The following RBSN variants were observed in gnomAD, a reference collection of about 807,000 sequenced individuals.
The protein encoded by RBSN is rabenosyn, RAB effector.
A neutral mutation model predicts 60.5 loss-of-function variants in RBSN; 34 were observed. The observed-to-expected ratio is 0.56, with a 90% CI of 0.43 to 0.75. The LOEUF (loss-of-function observed/expected upper bound fraction) is 0.75. Among genes scored for constraint, RBSN ranks in the 30% least tolerant of loss-of-function variants. The pLI is 0.00. For missense variants in RBSN, 845 were observed against 986.8 expected, an observed-to-expected ratio of 0.86 and a Z score of 1.92; for synonymous variants, 322 against 366.9, an observed-to-expected ratio of 0.88 and a Z score of 1.40.
chr3:15,095,547 G>A (rs2043633496), intron 4 of RBSN: 1 of 252,808 alleles, frequency 4.0e-6, no homozygotes, highest in African/African-American at 2.2e-5. Context: ...AGGAAGGATG[G>A]TGGGAAGTCT....
chr3:15,084,679 A>G lies in RBSN; in HGVS notation c.598+56T>C. 6.6e-7 allele frequency: 1 copy of G among 1,516,146 alleles called. No homozygotes were observed. Among genetic ancestry groups the G allele is most frequent in the Non-Finnish European group, 8.8e-7 (1 of 1,132,546 alleles). 93.9% of individuals were successfully genotyped at this position (1,516,146 alleles called of 1,614,324 possible). On this transcript the variant is annotated intron_variant, in intron 8 of 13. Coordinates refer to ENST00000253699, the MANE Select transcript of RBSN (RefSeq NM_022340.4). This position sits in a 1 kb window ranked among gnomAD's most constrained non-coding sequence, Gnocchi z 4.2. The stretch of plus-strand genomic sequence containing the variant: ...CCACGATCCCAGTGGTAATTAGCAA[A>G]TAAGCTAGGCCCAAAAGAAGATGAG...
rs565506351 is a variant in RBSN, at chr3:15,071,025, T to C, written c.*2757A>G. The C allele has an allele frequency of 5.9e-5, 9 of 152,384 alleles. No individual in the cohort carries two copies. The allele number at this position is 152,384 out of a possible 1,614,324, so 9.4% of individuals were successfully genotyped here. A position where few individuals can be genotyped will look rare whatever the true frequency, so the allele number is the denominator to read the frequency against. ...TTTTAGTAGACACGGGGTTTCACCA[T>C]GTTGGCCATGCTAGTCTCAAATTCC... On this transcript the variant is annotated 3_prime_UTR_variant, in exon 14 of 14. Coordinates refer to ENST00000253699, the MANE Select transcript of RBSN (RefSeq NM_022340.4).
chr3:15,085,890 C>T lies in RBSN; in HGVS notation c.361G>A (p.Val121Ile), dbSNP rs1436261824. Residue 121 changes from valine (V) to isoleucine (I), a missense_variant, in exon 6 of 14, where the codon GTC becomes ATC. Val to Ile is a conservative substitution (Grantham distance 29). Coordinates refer to ENST00000253699, the MANE Select transcript of RBSN (RefSeq NM_022340.4). Reference sequence around the variant, plus strand: ...TCTAACCTGATTATTAGTTTATTGACTTCCACAACATAGTGGTCAATTCTA... The same window carrying T: ...TCTAACCTGATTATTAGTTTATTGATTTCCACAACATAGTGGTCAATTCTA... ...AARIDHYVVEVNKLIIRLEKL... is the reference protein window; with the variant it reads ...AARIDHYVVEINKLIIRLEKL... 3.1e-6 allele frequency: 5 copies of T among 1,613,986 alleles called. No homozygotes were observed. Among genetic ancestry groups the T allele is most frequent in the Non-Finnish European group, 4.2e-6 (5 of 1,180,022 alleles).
chr3:15,088,206 A>G (rs2043399387), intron 5 of RBSN, among the ~76,000 whole-genome samples: 2 of 151,846 alleles, frequency 1.3e-5, no homozygotes, highest in African/African-American at 4.8e-5. Flanking sequence ...ACCTTCTACA[A>G]TTTGTGACTG....
chr3:15,074,929 G>A lies in RBSN; in HGVS notation c.1208C>T (p.Ala403Val), dbSNP rs1307263584. ...AAGCCTTCGCTGGGACTCCAGGGCA[G>A]CCTGGGGAGAGAGCAAAGCAGAGAG... ...MERKRAVERQ[A>V]ALESQRRLEE... is the part of the protein sequence containing the mutation. The change falls in exon 14 of 14, where the codon GCT (alanine) becomes GTT (valine). Residue 403 changes from alanine to valine, a missense_variant and splice_region_variant. By Grantham distance (64) the Ala-to-Val change is moderately conservative (BLOSUM62 0). Transcript: ENST00000253699. This position sits in a 1 kb window ranked among gnomAD's most constrained non-coding sequence, Gnocchi z 6.4. 4 of 1,606,184 alleles carry A rather than the reference G, an allele frequency of 2.5e-6. No individual in the cohort carries two copies.
intron 10 of RBSN, 87 bp from the exon 11 acceptor site, chr3:15,078,248 T>A: frequency 9.2e-7 from 1 of 1,091,948 alleles, no homozygotes; most frequent in Non-Finnish European, 1.4e-6. Context: ...GTGTAAGGCC[T>A]CACAAAGGCA....
At chr3:15,086,162 C>G in intron 5 of RBSN, 1 of 507,148 alleles carries the variant, frequency 2.0e-6, no homozygotes, top group Admixed American at 3.3e-5. Context: ...CCTTGGGAGG[C>G]CAAGGCGGGA....
rs746054439 is a variant in RBSN, at chr3:15,074,396, G to C, written c.1741C>G (p.Pro581Ala). 12 of 1,614,050 alleles carry C rather than the reference G, an allele frequency of 7.4e-6. No individual in the cohort carries two copies. Among genetic ancestry groups the C allele is most frequent in the African/African-American group, 6.7e-5 (5 of 74,926 alleles). Residue 581 changes from proline to alanine, a missense_variant, in exon 14 of 14, where the codon CCA (proline) becomes GCA (alanine). Transcript: ENST00000253699. The surrounding 1 kb of genome is among the most constrained non-coding windows in gnomAD (Gnocchi z 6.4). Reference protein sequence around the residue: ...YALDLGSSPVPSSTAPKTPSL... With the variant: ...YALDLGSSPVASSTAPKTPSL... The stretch of plus-strand genomic sequence containing the variant: ...GGGGTCTTGGGAGCTGTGCTGCTTG[G>C]AACTGGGGAAGAGCCTAGATCCAAA...
In RBSN at chr3:15,085,043, G is replaced by A. The variant is rs1313824246; in HGVS notation, c.393C>T (p.Leu131=). ...CAGTATTTGTTCTGTCAAATGCAGT[G>A]AGCTGACCGGAAGAAAATAGTGCCA... ...VNKLIIRLEK[L]TAFDRTNTES... The change falls in exon 7 of 14, where the codon CTC becomes CTT. Residue 131 remains leucine, a splice_region_variant and synonymous_variant. Transcript: ENST00000253699. 1.9e-6 allele frequency: 3 copies of A among 1,614,158 alleles called. No homozygotes were observed. Among genetic ancestry groups the A allele is most frequent in the South Asian group, 2.2e-5 (2 of 91,058 alleles).
Position 15,071,043 on chromosome 3 carries a change from C to G in RBSN, c.*2739G>C, listed in dbSNP as rs2042916255. On this transcript the variant is annotated 3_prime_UTR_variant, in exon 14 of 14. Coordinates refer to ENST00000253699, the MANE Select transcript of RBSN (RefSeq NM_022340.4). ...TTCACCATGTTGGCCATGCTAGTCT[C>G]AAATTCCTGACCTCAGGTGATCCAC... The G allele has an allele frequency of 6.6e-6, 1 of 152,230 alleles. No individual in the cohort carries two copies. Among genetic ancestry groups the G allele is most frequent in the African/African-American group, 2.4e-5 (1 of 41,454 alleles). The allele number at this position is 152,230 out of a possible 1,614,324, so 9.4% of individuals were successfully genotyped here.
chr3:15,073,450 G>C lies in RBSN; in HGVS notation c.*332C>G, dbSNP rs1401390270. 3.8e-6 allele frequency: 1 copy of C among 264,010 alleles called. No individual in the cohort carries two copies. The highest frequency in any genetic ancestry group is 7.2e-6 in the Non-Finnish European group (1 of 138,074). The allele number at this position is 264,010 out of a possible 1,614,324, so 16.4% of individuals were successfully genotyped here. ...GTACACAGCAGCCATTTCTGCCCTG[G>C]GCCCAACAGAGCTGCATTTAGTTAT... On this transcript the variant is annotated 3_prime_UTR_variant, in exon 14 of 14. Coordinates refer to ENST00000253699, the MANE Select transcript of RBSN (RefSeq NM_022340.4).
Position 15,075,622 on chromosome 3 carries a change from C to A in RBSN, c.1190G>T (p.Arg397Met). Residue 397 changes from arginine (R) to methionine (M), a missense_variant, in exon 13 of 14, where the codon AGG becomes ATG. By Grantham distance (91) the Arg-to-Met change is moderately conservative. Transcript: ENST00000253699. The stretch of plus-strand genomic sequence containing the variant: ...TTCACTCACTTGTCTCTCCACGGCC[C>A]TCTTCCTCTCCATTTCCTCCTTCCT... The part of the protein sequence containing the change: ...KKRKEEMERK[R>M]AVERQAALES... 6.2e-7 allele frequency: 1 copy of A among 1,614,110 alleles called. No homozygotes were observed. The highest frequency in any genetic ancestry group is 1.3e-5 in the African/African-American group (1 of 75,042).
rs775523602 is a variant in RBSN at position 15,084,688 on chromosome 3, G to A, written c.598+47C>T. ...CAGTGGTAATTAGCAAATAAGCTAGGCCCAAAAGAAGATGAGGGTCCAGGG... is the reference window on the plus strand; with the variant it reads ...CAGTGGTAATTAGCAAATAAGCTAGACCCAAAAGAAGATGAGGGTCCAGGG... On this transcript the variant is annotated intron_variant, in intron 8 of 13. Transcript: ENST00000253699. This position sits in a 1 kb window ranked among gnomAD's most constrained non-coding sequence, Gnocchi z 4.2. The A allele has an allele frequency of 6.6e-7, 1 of 1,525,118 alleles. No homozygotes were observed. The highest frequency in any genetic ancestry group is 8.8e-7 in the Non-Finnish European group (1 of 1,137,318). The allele number at this position is 1,525,118 out of a possible 1,614,324, so 94.5% of individuals were successfully genotyped here.
intron 4 of RBSN, among the ~76,000 whole-genome samples, chr3:15,095,165 C>T (rs2043621251): frequency 1.3e-5 from 2 of 152,022 alleles, no homozygotes; most frequent in Admixed American, 1.3e-4. Context: ...CAGGCGTGCA[C>T]CATCACGCCC....
chr3:15,075,801 C>G, intron 12 of RBSN, 91 bp from the exon 13 acceptor site: 1 of 997,592 alleles, frequency 1.0e-6, no homozygotes, highest in East Asian at 2.4e-5. Context: ...TTAAGCTGAG[C>G]CACTCTGTTC....
intron 4 of RBSN, among the ~76,000 whole-genome samples, chr3:15,092,331 C>G (rs948732502): frequency 2.0e-5 from 3 of 151,830 alleles, no homozygotes; most frequent in Non-Finnish European, 2.9e-5. Context: ...TGTGGGACAG[C>G]TTTGTCCAAA....
At chr3:15,081,023 T>G in intron 9 of RBSN, 1 of 489,246 alleles carries the variant, frequency 2.0e-6, no homozygotes, top group Non-Finnish European at 3.7e-6. Flanking sequence ...TTTCGTTTTG[T>G]TTTTTTTTGA....
At chr3:15,098,972 C>G (rs1360708266) in intron 1 of RBSN, 63 bp downstream of exon 1, 1 of 152,750 alleles carries the variant, frequency 6.5e-6, no homozygotes, top group Non-Finnish European at 1.5e-5. Context: ...ACGGCCCGCC[C>G]GTCTCCGTTC....
rs2043033460 is a variant in RBSN at position 15,075,596 on chromosome 3, C to G, written c.1206+10G>C. The G allele has an allele frequency of 6.2e-7, 1 of 1,612,236 alleles. No homozygotes were observed. The highest frequency in any genetic ancestry group is 8.5e-7 in the Non-Finnish European group (1 of 1,178,458). On this transcript the variant is annotated intron_variant, in intron 13 of 13. Coordinates refer to ENST00000253699, the MANE Select transcript of RBSN (RefSeq NM_022340.4). Reference sequence around the variant, plus strand: ...GAGGAAGCAGGCCCCATATCCCTGGCTTCACTCACTTGTCTCTCCACGGCC... The same window carrying G: ...GAGGAAGCAGGCCCCATATCCCTGGGTTCACTCACTTGTCTCTCCACGGCC...
Sources: allele counts gnomAD v4.1 joint callset (sites outside exome capture counted in the v4.1 genomes callset), GRCh38; gene constraint gnomAD v4.1.1; non-coding constraint Gnocchi (gnomAD v3.1); transcripts MANE v1.5; gene names NCBI Gene and HGNC (gene_info 2026-07-23, HGNC 2026-07-21).